The following SLC25A3 variants were observed in gnomAD, a reference collection of about 807,000 sequenced individuals.
The protein encoded by SLC25A3 is solute carrier family 25 member 3, also known as phosphate transport protein.
A neutral mutation model predicts 37.1 loss-of-function variants in SLC25A3; 14 were observed. That is an observed-to-expected ratio of 0.38 (90% CI 0.25 to 0.59). The LOEUF is 0.59. Ranked by LOEUF, SLC25A3 falls within the 20% of genes least tolerant of loss-of-function variation. SLC25A3 has a pLI of 0.67. For missense variants in SLC25A3, 385 were observed against 458.1 expected, an observed-to-expected ratio of 0.84 and a Z score of 1.46; for synonymous variants, 161 against 168.7, an observed-to-expected ratio of 0.95 and a Z score of 0.36.
In SLC25A3 at chr12:98,604,263, A is replaced by AAAAAAAAAAAAAAATATAT. The variant is rs1302964992; in HGVS notation, c.*2736_*2737insAAAAAAAAAAAAATATATA. 2.2e-5 allele frequency: 3 copies of AAAAAAAAAAAAAAATATAT among 134,590 alleles called. No homozygotes were observed. The highest frequency in any genetic ancestry group is 8.6e-5 in the African/African-American group (3 of 34,842). The allele number at this position is 134,590 out of a possible 1,614,324, so 8.3% of individuals were successfully genotyped here. A position where few individuals can be genotyped will look rare whatever the true frequency, so the allele number is the denominator to read the frequency against. On this transcript the variant is annotated 3_prime_UTR_variant, in exon 8 of 8. Transcript: ENST00000552981. ...GCGAAACTCTGTCTCAAAAAAAAAAAATATATATATATATATATATATATG... is the reference window on the plus strand; with the variant it reads ...GCGAAACTCTGTCTCAAAAAAAAAAAAAAAAAAAAAAAAATATATATATATATATATATATATATATATG...
Position 98,598,584 on chromosome 12 carries a change from T to C in SLC25A3, c.522T>C (p.Phe174=). The change falls in exon 5 of 8, where the codon TTT becomes TTC. Residue 174 remains phenylalanine (F), a synonymous_variant. Transcript: ENST00000552981. ...CTGCCTCTGCCAGTGCTGAATTCTT[T>C]GCTGACATTGCCCTGGCTCCTATGG... The part of the protein sequence containing the change: ...YLAASASAEF[F]ADIALAPMEA... The C allele has an allele frequency of 2.5e-6, 4 of 1,613,944 alleles. No homozygotes were observed. The highest frequency in any genetic ancestry group is 3.4e-6 in the Non-Finnish European group (4 of 1,180,032).
At chr12:98,595,907 ATCT>A (rs1291346424) in intron 3 of SLC25A3, 59 bp downstream of exon 3, 5 of 1,480,006 alleles carry the variant, frequency 3.4e-6, no homozygotes, top group Non-Finnish European at 4.7e-6. Context: ...TCTAAATAAA[ATCT>A]TAAATGAGAA....
chr12:98,598,844 C>T (rs914060404), intron 5 of SLC25A3, 141 bp downstream of exon 5: 21 of 743,594 alleles, frequency 2.8e-5, no homozygotes, highest in African/African-American at 2.0e-4. Context: ...GGCGTGATCT[C>T]GGCTCACTGC....
In SLC25A3 at chr12:98,604,263, A is replaced by AAAAAAAAATATATATAT. The variant is rs1302964992; in HGVS notation, c.*2736_*2737insAAAAAAATATATATATA. 3.0e-5 allele frequency: 4 copies of AAAAAAAAATATATATAT among 134,590 alleles called. No homozygotes were observed. Among genetic ancestry groups the AAAAAAAAATATATATAT allele is most frequent in the African/African-American group, 8.6e-5 (3 of 34,842 alleles). The allele number at this position is 134,590 out of a possible 1,614,324, so 8.3% of individuals were successfully genotyped here. A position where few individuals can be genotyped will look rare whatever the true frequency, so the allele number is the denominator to read the frequency against. On this transcript the variant is annotated 3_prime_UTR_variant, in exon 8 of 8. Transcript: ENST00000552981. ...GCGAAACTCTGTCTCAAAAAAAAAA[A>AAAAAAAAATATATATAT]ATATATATATATATATATATATATG... is the stretch of plus-strand genomic sequence containing the variant.
At position 98,597,956 on chromosome 12, in the gene SLC25A3, T is replaced by C; in HGVS notation, c.380T>C (p.Leu127Pro). The part of the protein sequence containing the change: ...GLAKGWAPTF[L>P]GYSMQGLCKF... ...GCTAAAGGATGGGCTCCGACTTTCC[T>C]TGGCTACTCCATGCAGGGACTCTGC... Residue 127 changes from leucine to proline, a missense_variant, in exon 4 of 8, where the codon CTT (leucine) becomes CCT (proline). Leu to Pro is a moderately conservative substitution (Grantham distance 98). Transcript: ENST00000552981. The C allele has an allele frequency of 1.2e-6, 2 of 1,614,190 alleles. No individual in the cohort carries two copies. The highest frequency in any genetic ancestry group is 8.5e-7 in the Non-Finnish European group (1 of 1,179,992).
chr12:98,595,745 G>A lies in SLC25A3; in HGVS notation c.176G>A (p.Gly59Asp), dbSNP rs2097592500. 4 of 1,613,976 alleles carry A rather than the reference G, an allele frequency of 2.5e-6. No homozygotes were observed. The highest frequency in any genetic ancestry group is 2.7e-5 in the African/African-American group (2 of 74,904). The change falls in exon 3 of 8, where the codon GGC becomes GAC. Residue 59 changes from glycine to aspartate, a missense_variant. Around this residue, in one of 2 missense-constraint regions of SLC25A3, gnomAD observed 109 missense variants for 90.5 expected, o/e 1.20. Transcript: ENST00000552981. ...AAVEEYSCEFGSAKYYALCGF... is the reference protein window; with the variant it reads ...AAVEEYSCEFDSAKYYALCGF... The stretch of plus-strand genomic sequence containing the variant: ...ACTACAGAGTACAGTTGTGAATTTG[G>A]CTCCGCGAAGTATTATGCACTGTGT...
intron 3 of SLC25A3, chr12:98,597,550 A>G (rs1284893707): frequency 2.6e-5 from 9 of 349,778 alleles, no homozygotes; most frequent in Non-Finnish European, 3.8e-5. Flanking sequence ...CACCCTCCCG[A>G]GTAGCTGGGA....
At chr12:98,598,363 G>A (rs886488466) in intron 4 of SLC25A3, 159 bp from the exon 5 acceptor site, 2 of 1,069,630 alleles carry the variant, frequency 1.9e-6, no homozygotes, top group Non-Finnish European at 2.7e-6. Flanking sequence ...ACATAGTTAC[G>A]TGTTTTGTTA....
Position 98,604,263 on chromosome 12 carries a change from A to AAAAAATATATAT in SLC25A3, c.*2736_*2737insAAAATATATATA, listed in dbSNP as rs1302964992. Reference sequence around the variant, plus strand: ...GCGAAACTCTGTCTCAAAAAAAAAAAATATATATATATATATATATATATG... The same window carrying AAAAAATATATAT: ...GCGAAACTCTGTCTCAAAAAAAAAAAAAAAATATATATATATATATATATATATATATATATG... On this transcript the variant is annotated 3_prime_UTR_variant, in exon 8 of 8. Coordinates refer to ENST00000552981, the MANE Select transcript of SLC25A3 (RefSeq NM_002635.4). 1 of 134,592 alleles carries AAAAAATATATAT rather than the reference A, an allele frequency of 7.4e-6. No homozygotes were observed. The highest frequency in any genetic ancestry group is 2.9e-5 in the African/African-American group (1 of 34,844). The allele number at this position is 134,592 out of a possible 1,614,324, so 8.3% of individuals were successfully genotyped here. A position where few individuals can be genotyped will look rare whatever the true frequency, so the allele number is the denominator to read the frequency against.
In SLC25A3 at chr12:98,602,823, G is replaced by C. The variant is rs1323253260; in HGVS notation, c.*1295G>C. On this transcript the variant is annotated 3_prime_UTR_variant, in exon 8 of 8. Transcript: ENST00000552981. ...ACGTGGGTTGGTTAACAGTCCCTAC[G>C]TAAAGCGTACAGATGGCCTGGAGAG... 1 of 152,216 alleles carries C rather than the reference G, an allele frequency of 6.6e-6. No homozygotes were observed. The highest frequency in any genetic ancestry group is 6.5e-5 in the Admixed American group (1 of 15,284). The allele number at this position is 152,216 out of a possible 1,614,324, so 9.4% of individuals were successfully genotyped here. A position where few individuals can be genotyped will look rare whatever the true frequency, so the allele number is the denominator to read the frequency against.
At chr12:98,598,079 C>T (rs2097594508) in intron 4 of SLC25A3, 44 bp downstream of exon 4, 1 of 1,599,150 alleles carries the variant, frequency 6.3e-7, no homozygotes, top group African/African-American at 1.3e-5. Flanking sequence ...GTGTTTAAGA[C>T]TTTCCGAGTG....
chr12:98,598,508 G>A lies in SLC25A3; in HGVS notation c.460-14G>A. 1 of 1,612,094 alleles carries A rather than the reference G, an allele frequency of 6.2e-7. No individual in the cohort carries two copies. Among genetic ancestry groups the A allele is most frequent in the African/African-American group, 1.3e-5 (1 of 74,976 alleles). ...ACAGCAATTCACATCCCTTCCTTGT[G>A]TTTTGGATTTTAGGAGAATACTTAT... On this transcript the variant is annotated splice_polypyrimidine_tract_variant and intron_variant, in intron 4 of 7. Transcript: ENST00000552981.
At chr12:98,598,460 C>G (rs2097594886) in intron 4 of SLC25A3, 62 bp from the exon 5 acceptor site, 7 of 1,610,662 alleles carry the variant, frequency 4.3e-6, no homozygotes, top group African/African-American at 2.7e-5. Context: ...CTAGAACTGT[C>G]ACTTCAATTG....
rs1592977792 is a variant in SLC25A3 at position 98,598,686 on chromosome 12, G to A, written c.624G>A (p.Lys208=). Residue 208 remains lysine, a synonymous_variant, in exon 5 of 8, where the codon AAG becomes AAA. Coordinates refer to ENST00000552981, the MANE Select transcript of SLC25A3 (RefSeq NM_002635.4). ...TLRDAAPKMY[K]EEGLKAFYKG... Reference sequence around the variant, plus strand: ...GGGATGCAGCTCCCAAAATGTATAAGGAAGAAGGCCTAAAAGCGTAAGTAA... The same window carrying A: ...GGGATGCAGCTCCCAAAATGTATAAAGAAGAAGGCCTAAAAGCGTAAGTAA... The A allele has an allele frequency of 9.3e-6, 15 of 1,613,912 alleles. No individual in the cohort carries two copies. The highest frequency in any genetic ancestry group is 1.3e-5 in the Non-Finnish European group (15 of 1,179,852).
intron 6 of SLC25A3, 74 bp from the exon 7 acceptor site, chr12:98,601,097 C>T (rs2097597487): frequency 1.3e-6 from 2 of 1,517,826 alleles, no homozygotes; most frequent in Non-Finnish European, 1.8e-6. Context: ...ATTTTAAAAT[C>T]ATAAAAATGA....
Position 98,602,840 on chromosome 12 carries a change from C to T in SLC25A3, c.*1312C>T, listed in dbSNP as rs1409058798. 6.6e-6 allele frequency: 1 copy of T among 152,138 alleles called. No individual in the cohort carries two copies. The allele number at this position is 152,138 out of a possible 1,614,324, so 9.4% of individuals were successfully genotyped here. A position where few individuals can be genotyped will look rare whatever the true frequency, so the allele number is the denominator to read the frequency against. ...GTCCCTACGTAAAGCGTACAGATGG[C>T]CTGGAGAGAAAAACTTTTTCAGAGA... On this transcript the variant is annotated 3_prime_UTR_variant, in exon 8 of 8. Transcript: ENST00000552981.
chr12:98,598,067 G>C lies in SLC25A3; in HGVS notation c.459+32G>C, dbSNP rs529253379. The C allele has an allele frequency of 1.1e-3, 1,749 of 1,599,868 alleles. 31 individuals are homozygous for C. The South Asian group carries it at 0.018, about 17-fold the overall frequency. Reference sequence around the variant, plus strand: ...AATTAACTTTAAAATTGAATGTTCCGAGTGTTTAAGACTTTCCGAGTGTTC... The same window carrying C: ...AATTAACTTTAAAATTGAATGTTCCCAGTGTTTAAGACTTTCCGAGTGTTC... On this transcript the variant is annotated intron_variant, in intron 4 of 7. Coordinates refer to ENST00000552981, the MANE Select transcript of SLC25A3 (RefSeq NM_002635.4).
intron 6 of SLC25A3, among the ~76,000 whole-genome samples, chr12:98,600,490 G>A (rs2097596921): frequency 6.6e-6 from 1 of 152,162 alleles, no homozygotes; most frequent in South Asian, 2.1e-4. Flanking sequence ...TTGGCTCACT[G>A]CAGCCTCCGC....
rs112891205 is a variant in SLC25A3 at position 98,596,932 on chromosome 12, T to G, written c.280-924T>G. Among the ~76,000 whole-genome samples the G allele has an allele frequency of 7.3e-4, 111 of 152,180 alleles. 1 individual carries two copies. Among genetic ancestry groups the G allele is most frequent in the African/African-American group, 2.5e-3 (104 of 41,514 alleles). ...TACTCGGGAGGCTGAGGCAGGAGAA[T>G]CGCTTGAACCTGGGAGGTGGAGGTT... On this transcript the variant is annotated intron_variant, in intron 3 of 7. Coordinates refer to ENST00000552981, the MANE Select transcript of SLC25A3 (RefSeq NM_002635.4).
Sources: allele counts gnomAD v4.1 joint callset (sites outside exome capture counted in the v4.1 genomes callset), GRCh38; gene constraint gnomAD v4.1.1; regional missense constraint gnomAD v4.1.1; transcripts MANE v1.5; gene names NCBI Gene and HGNC (gene_info 2026-07-23, HGNC 2026-07-21).